The following BEGAIN variants were observed in gnomAD, a reference collection of about 807,000 sequenced individuals.
BEGAIN encodes brain enriched guanylate kinase associated.
In BEGAIN, 19 loss-of-function variants were observed where a neutral mutation model predicts 35.8. That is an observed-to-expected ratio of 0.53 (90% CI 0.37 to 0.78). BEGAIN has a LOEUF of 0.78. Ranked by LOEUF, BEGAIN falls within the 30% of genes least tolerant of loss-of-function variation. BEGAIN has a pLI of 0.00. For missense variants in BEGAIN, 795 were observed against 853.6 expected (o/e 0.93, Z 0.85); for synonymous variants, 462 against 388.6 (o/e 1.19, Z -2.22).
Position 100,573,463 on chromosome 14 carries a change from G to T in BEGAIN, c.43-5524C>A, listed in dbSNP as rs1292129810. 1.3e-5 allele frequency among the ~76,000 whole-genome samples: 2 copies of T among 152,070 alleles called. No individual in the cohort carries two copies. Among genetic ancestry groups the T allele is most frequent in the Non-Finnish European group, 2.9e-5 (2 of 67,974 alleles). ...TCAGGACCTTGGCTTCTGCCATGAGGTGGATGGGAGCCCCTGGAGGGATGA... is the reference window on the plus strand; with the variant it reads ...TCAGGACCTTGGCTTCTGCCATGAGTTGGATGGGAGCCCCTGGAGGGATGA... On this transcript the variant is annotated intron_variant, in intron 1 of 6. Coordinates refer to ENST00000554140, the MANE Select transcript of BEGAIN (RefSeq NM_001385089.1). The surrounding 1 kb of genome is among the most constrained non-coding windows in gnomAD (Gnocchi z 4.2).
chr14:100,564,921 A>G (rs2034568853), intron 2 of BEGAIN, among the ~76,000 whole-genome samples: 1 of 151,752 alleles, frequency 6.6e-6, no homozygotes, highest in African/African-American at 2.4e-5. Context: ...AGGCCTTTGC[A>G]CCTCTTGGAG....
At chr14:100,566,291 G>A (rs914005318) in intron 2 of BEGAIN, among the ~76,000 whole-genome samples, 2 of 152,212 alleles carry the variant, frequency 1.3e-5, no homozygotes, top group African/African-American at 2.4e-5. Flanking sequence ...CAGCAGATCC[G>A]CCCACCTGGC....
intron 6 of BEGAIN, 33 bp from the exon 7 acceptor site, chr14:100,539,348 A>T (rs1405314219): frequency 6.6e-7 from 1 of 1,523,720 alleles, no homozygotes; most frequent in Non-Finnish European, 8.8e-7. Context: ...GACGGCGGGT[A>T]CAGGGTCACT....
chr14:100,537,776 T>G lies in BEGAIN; in HGVS notation c.*193A>C. ...TGGAGTTCCACGGGCCGGGGCCGGG[T>G]GGACACCGTGGTGTGGGGGACCCTC... On this transcript the variant is annotated 3_prime_UTR_variant, in exon 7 of 7. Transcript: ENST00000554140. 1.2e-6 allele frequency: 1 copy of G among 810,062 alleles called. No individual in the cohort carries two copies. The highest frequency in any genetic ancestry group is 1.8e-6 in the Non-Finnish European group (1 of 557,684). 50.2% of individuals were successfully genotyped at this position (810,062 alleles called of 1,614,324 possible).
intron 1 of BEGAIN, chr14:100,577,767 G>T: frequency 2.5e-6 from 1 of 399,200 alleles, no homozygotes; most frequent in Non-Finnish European, 4.4e-6. Context: ...CTGCCCAGCG[G>T]TGGCAAGATG....
chr14:100,569,865 C>T (rs867547358), intron 1 of BEGAIN: 19 of 154,642 alleles, frequency 1.2e-4, no homozygotes, highest in African/African-American at 4.3e-4. Context: ...CGCCCCCCTC[C>T]GGTCCTGGGA....
chr14:100,561,996 C>T (rs1378597139), intron 2 of BEGAIN, among the ~76,000 whole-genome samples: 3 of 152,160 alleles, frequency 2.0e-5, no homozygotes, highest in African/African-American at 4.8e-5. Context: ...CCCTGAGCCC[C>T]TAGCTGCAAA....
chr14:100,562,511 C>T lies in BEGAIN; in HGVS notation c.71+5400G>A, dbSNP rs917837569. 6.6e-5 allele frequency among the ~76,000 whole-genome samples: 10 copies of T among 152,266 alleles called. No homozygotes were observed. In the South Asian group the frequency reaches 8.3e-4, roughly 13 times the overall value. Reference sequence around the variant, plus strand: ...AAGAAAGTCCATCCTTTTAGCTGCTCGTGCCCAATGCCCTGGAGTTGTCTT... The same window carrying T: ...AAGAAAGTCCATCCTTTTAGCTGCTTGTGCCCAATGCCCTGGAGTTGTCTT... On this transcript the variant is annotated intron_variant, in intron 2 of 6. Transcript: ENST00000554140.
At chr14:100,560,233 A>G (rs2034121106) in intron 2 of BEGAIN, among the ~76,000 whole-genome samples, 2 of 152,158 alleles carry the variant, frequency 1.3e-5, no homozygotes, top group African/African-American at 4.8e-5. Flanking sequence ...CAGCCCCCAG[A>G]TGCTCCTGAG....
intron 1 of BEGAIN, among the ~76,000 whole-genome samples, chr14:100,582,003 A>G (rs1264913938): frequency 6.6e-6 from 1 of 152,210 alleles, no homozygotes; most frequent in African/African-American, 2.4e-5. Flanking sequence ...CGGAGGAGGA[A>G]ACTGGGCTCT....
intron 1 of BEGAIN, among the ~76,000 whole-genome samples, chr14:100,572,650 C>T (rs900987919): frequency 3.5e-4 from 54 of 152,132 alleles, no homozygotes; most frequent in African/African-American, 1.2e-3. Flanking sequence ...GGGCCTTCTC[C>T]GCAGCTGTGG....
At chr14:100,574,663 C>T (rs1047045423) in intron 1 of BEGAIN, among the ~76,000 whole-genome samples, 4 of 152,116 alleles carry the variant, frequency 2.6e-5, no homozygotes, top group South Asian at 2.1e-4. Context: ...CAACAGTCAG[C>T]GGGGCTGGGA....
Position 100,586,440 on chromosome 14 carries a change from C to A in BEGAIN, c.42+809G>T, listed in dbSNP as rs937662097. ...GGGTGCCCACTCTGCTCCCATTCTGCCGGCTCAGGAGACTCCAGCGCGTCG... is the reference window on the plus strand; with the variant it reads ...GGGTGCCCACTCTGCTCCCATTCTGACGGCTCAGGAGACTCCAGCGCGTCG... On this transcript the variant is annotated intron_variant, in intron 1 of 6. Transcript: ENST00000554140. The surrounding 1 kb of genome is among the most constrained non-coding windows in gnomAD (Gnocchi z 4.9). Among the ~76,000 whole-genome samples the A allele has an allele frequency of 2.6e-5, 4 of 152,206 alleles. No homozygotes were observed.
intron 1 of BEGAIN, among the ~76,000 whole-genome samples, chr14:100,570,496 G>T (rs903790388): frequency 6.6e-6 from 1 of 152,228 alleles, no homozygotes; most frequent in Non-Finnish European, 1.5e-5. Flanking sequence ...TATCCTCCAT[G>T]CGGCCCTCTG....
At chr14:100,579,269 G>A (rs2035268310) in intron 1 of BEGAIN, among the ~76,000 whole-genome samples, 1 of 152,232 alleles carries the variant, frequency 6.6e-6, no homozygotes, top group South Asian at 2.1e-4. Flanking sequence ...ATGATATACA[G>A]GGTTAGGGTG....
At chr14:100,550,847 C>CG (rs1384807889) in intron 2 of BEGAIN, among the ~76,000 whole-genome samples, 2 of 152,156 alleles carry the variant, frequency 1.3e-5, no homozygotes, top group Admixed American at 6.5e-5. Flanking sequence ...CATCACTGGG[C>CG]GGGGGGCGCA....
chr14:100,565,746 C>G (rs1204394965), intron 2 of BEGAIN, among the ~76,000 whole-genome samples: 1 of 152,170 alleles, frequency 6.6e-6, no homozygotes, highest in Non-Finnish European at 1.5e-5. Context: ...TGCTCTGGGC[C>G]AGGTCCCAGG....
intron 1 of BEGAIN, among the ~76,000 whole-genome samples, chr14:100,578,385 G>A (rs898508862): frequency 2.6e-5 from 4 of 152,278 alleles, no homozygotes; most frequent in African/African-American, 9.6e-5. Context: ...GATGGCTTGA[G>A]TGCTGGGCCT....
At chr14:100,546,304 C>T (rs1442575948) in intron 3 of BEGAIN, 197 bp downstream of exon 3, 2 of 392,598 alleles carry the variant, frequency 5.1e-6, no homozygotes, top group Non-Finnish European at 7.9e-6. Flanking sequence ...GAGGGGAGCA[C>T]CGCGTGCGGC....
Sources: gnomAD v4.1 joint callset for allele counts (sites outside exome capture counted in the v4.1 genomes callset) on GRCh38, gnomAD v4.1.1 for gene constraint, Gnocchi (gnomAD v3.1) non-coding constraint, MANE v1.5 for transcripts, NCBI Gene and HGNC (gene_info 2026-07-23, HGNC 2026-07-21) for gene names.